The following STS variants were observed in gnomAD, a reference collection of about 807,000 sequenced individuals.
STS encodes steryl-sulfatase.
In STS, 7 loss-of-function variants were observed where a neutral mutation model predicts 26.8. That is an observed-to-expected ratio of 0.26 (90% CI 0.15 to 0.49). The LOEUF (loss-of-function observed/expected upper bound fraction) is 0.49. Ranked by LOEUF, STS falls within the 20% of genes least tolerant of loss-of-function variation. The probability of loss-of-function intolerance (pLI) is 0.98; values close to 1 mark genes in which losing one functional copy is unlikely to be tolerated. For synonymous variants in STS, 199 were observed against 189.4 expected (o/e 1.05, Z -0.42); for missense variants, 434 against 465.6 (o/e 0.93, Z 0.63).
intron 2 of STS, among the ~76,000 whole-genome samples, chrX:7,225,383 A>C (rs1384260461): frequency 9.0e-6 from 1 of 111,439 alleles, no homozygotes. Flanking sequence ...GAACACATTG[A>C]ACAAAGGGAA....
intron 7 of STS, among the ~76,000 whole-genome samples, chrX:7,294,747 G>A (rs1216627001): frequency 2.7e-5 from 3 of 111,779 alleles, no homozygotes; most frequent in African/African-American, 9.8e-5. Context: ...ACACTATAGA[G>A]CTTCTTGGCT....
At position 7,334,395 on chromosome X, in the gene STS, C is replaced by T. The variant is rs776226073; in HGVS notation, c.1363+288C>T. The stretch of plus-strand genomic sequence containing the variant: ...AGAAAGCTCCCTGTTCTCAACAGGG[C>T]GCTGTGGCCGGTTGCTTTATTGCAT... On this transcript the variant is annotated intron_variant, in intron 10 of 10. Transcript: ENST00000674429. Among the ~76,000 whole-genome samples the T allele has an allele frequency of 3.6e-5, 4 of 111,617 alleles. No homozygotes were observed. In the South Asian group the frequency reaches 1.1e-3, roughly 32 times the overall value.
intron 2 of STS, among the ~76,000 whole-genome samples, chrX:7,197,572 G>T (rs2147022912): frequency 8.9e-6 from 1 of 112,101 alleles, no homozygotes; most frequent in South Asian, 3.7e-4. Context: ...TGCTACAAGT[G>T]TTTGTGATAA....
intron 7 of STS, among the ~76,000 whole-genome samples, chrX:7,299,022 ATATATTTTATTT>A (rs1925806893): frequency 1.5e-5 from 1 of 66,373 alleles, no homozygotes; most frequent in Admixed American, 1.7e-4. Flanking sequence ...ATATATATAA[ATATATTTTATTT>A]ATATATTTAT....
intron 2 of STS, among the ~76,000 whole-genome samples, chrX:7,222,785 C>A (rs1172495814): frequency 9.0e-6 from 1 of 110,784 alleles, no homozygotes; most frequent in Admixed American, 9.6e-5. Flanking sequence ...TTAGGGGGTA[C>A]AAGTATAATT....
At chrX:7,258,917 A>AC (rs1287705183) in intron 5 of STS, among the ~76,000 whole-genome samples, 3 of 110,739 alleles carry the variant, frequency 2.7e-5, no homozygotes, top group East Asian at 2.8e-4. Flanking sequence ...GAAAAAAAAA[A>AC]AAACAAACTT....
chrX:7,347,303 A>G (rs941020126), intron 10 of STS, among the ~76,000 whole-genome samples: 2 of 112,010 alleles, frequency 1.8e-5, no homozygotes, highest in African/African-American at 6.5e-5. Flanking sequence ...CAGTAAATCT[A>G]AAGTGGTCCA....
At chrX:7,345,077 A>G (rs1221920805) in intron 10 of STS, among the ~76,000 whole-genome samples, 1 of 111,129 alleles carries the variant, frequency 9.0e-6, no homozygotes, top group African/African-American at 3.3e-5. Context: ...CTTGGGATAA[A>G]GACAGAATGA....
chrX:7,246,279 T>G (rs1408171796), intron 2 of STS, among the ~76,000 whole-genome samples: 1 of 106,686 alleles, frequency 9.4e-6, no homozygotes, highest in Non-Finnish European at 1.9e-5. Context: ...TTTTTTTTTT[T>G]GAGACAGAGT....
chrX:7,237,130 A>T (rs750908562), intron 2 of STS, among the ~76,000 whole-genome samples: 4 of 108,517 alleles, frequency 3.7e-5, no homozygotes, highest in Non-Finnish European at 7.6e-5. Flanking sequence ...AAGGACACCA[A>T]TTTTGTTTAG....
chrX:7,148,293 A>G (rs1932929998), intron 1 of STS: 1 of 273,439 alleles, frequency 3.7e-6, no homozygotes, highest in Admixed American at 6.6e-5. Context: ...CGCTCCGCGC[A>G]CGCGCACCTT....
At chrX:7,272,163 A>G (rs1166180661) in intron 6 of STS, among the ~76,000 whole-genome samples, 2 of 108,408 alleles carry the variant, frequency 1.8e-5, no homozygotes, top group Admixed American at 9.9e-5. Flanking sequence ...GTTTTTGGCT[A>G]TCATGAGAAG....
In STS at chrX:7,292,515, C is replaced by T. The variant is rs758219117; in HGVS notation, c.944-12531C>T. Among the ~76,000 whole-genome samples, 109 of 111,826 alleles carry T rather than the reference C, an allele frequency of 9.7e-4. 2 individuals carry two copies. The highest frequency in any genetic ancestry group is 4.6e-3 in the Middle Eastern group (1 of 216). On this transcript the variant is annotated intron_variant, in intron 7 of 10. Coordinates refer to ENST00000674429, the MANE Select transcript of STS (RefSeq NM_001320752.2). ...TATGGATTTGCATAAAAGCATGCAG[C>T]GAACTACACATAATATGTAGCATAT...
At chrX:7,327,320 T>A (rs1362210406) in intron 9 of STS, among the ~76,000 whole-genome samples, 1 of 110,397 alleles carries the variant, frequency 9.1e-6, no homozygotes, top group East Asian at 2.8e-4. Flanking sequence ...GTGGGTGCTA[T>A]GGCTAAGAGT....
chrX:7,207,937 A>G (rs1270280870), intron 2 of STS, among the ~76,000 whole-genome samples: 1 of 111,757 alleles, frequency 8.9e-6, no homozygotes, highest in African/African-American at 3.3e-5. Context: ...AGGAGATGAG[A>G]TGATTGTAGG....
At chrX:7,278,734 C>T (rs1285256856) in intron 7 of STS, among the ~76,000 whole-genome samples, 2 of 111,204 alleles carry the variant, frequency 1.8e-5, no homozygotes, top group Non-Finnish European at 3.8e-5. Context: ...TTCTGCTCTG[C>T]AAATTCACGG....
At chrX:7,344,489 G>T (rs7063389) in intron 10 of STS, among the ~76,000 whole-genome samples, 4,402 of 111,059 alleles carry the variant, frequency 0.04, 195 homozygotes, top group African/African-American at 0.13. Context: ...CCATCCATTT[G>T]TCAGGGACCA....
At chrX:7,330,164 A>G (rs1927679556) in intron 9 of STS, among the ~76,000 whole-genome samples, 1 of 111,965 alleles carries the variant, frequency 8.9e-6, no homozygotes, top group Admixed American at 9.5e-5. Flanking sequence ...TAAATGGAGG[A>G]CAACCTTTTG....
chrX:7,214,999 T>C, intron 2 of STS, among the ~76,000 whole-genome samples: 1 of 67,270 alleles, frequency 1.5e-5, no homozygotes, highest in Admixed American at 2.4e-4. Context: ...TACGTATATA[T>C]ACATATATAC....
Sources: gnomAD v4.1 joint callset for allele counts (sites outside exome capture counted in the v4.1 genomes callset) on GRCh38, gnomAD v4.1.1 for gene constraint, MANE v1.5 for transcripts, NCBI Gene and HGNC (gene_info 2026-07-23, HGNC 2026-07-21) for gene names.